ZNF277: variants seen among roughly 807,000 people sequenced by gnomAD.
The protein encoded by ZNF277 is nuclear receptor-interacting factor 4.
In ZNF277, 55 loss-of-function variants were observed where a neutral mutation model predicts 60.7. The observed-to-expected ratio is 0.91, with a 90% CI of 0.73 to 1.13. The LOEUF is 1.13. Among genes scored for constraint, ZNF277 ranks in the 50% most tolerant of loss-of-function variants. The pLI, the probability that ZNF277 is intolerant of heterozygous loss-of-function variation, is 0.00. For synonymous variants in ZNF277, 178 were observed against 179.3 expected, an observed-to-expected ratio of 0.99 and a Z score of 0.06; for missense variants, 510 against 523.0, an observed-to-expected ratio of 0.98 and a Z score of 0.24.
At chr7:112,238,594 C>T (rs1563200648) in intron 1 of ZNF277, among the ~76,000 whole-genome samples, 1 of 151,888 alleles carries the variant, frequency 6.6e-6, no homozygotes, top group Admixed American at 6.6e-5. Flanking sequence ...GAGGTGTTCG[C>T]GTCACCCCAC....
intron 1 of ZNF277, among the ~76,000 whole-genome samples, chr7:112,234,379 G>C (rs1017403753): frequency 6.6e-6 from 1 of 152,124 alleles, no homozygotes; most frequent in African/African-American, 2.4e-5. Flanking sequence ...GTCTGATGAG[G>C]GCATAGTTCA....
chr7:112,233,179 G>A (rs764633999), intron 1 of ZNF277, among the ~76,000 whole-genome samples: 2 of 152,136 alleles, frequency 1.3e-5, no homozygotes, highest in Non-Finnish European at 2.9e-5. Flanking sequence ...TTGTGATTGT[G>A]ATGCACTTTG....
chr7:112,267,705 T>A (rs987761485), intron 1 of ZNF277, among the ~76,000 whole-genome samples: 1 of 152,176 alleles, frequency 6.6e-6, no homozygotes, highest in African/African-American at 2.4e-5. Flanking sequence ...GGATATTGGC[T>A]GACTAGGAAA....
chr7:112,331,442 A>G (rs1793228123), intron 7 of ZNF277, among the ~76,000 whole-genome samples: 1 of 152,210 alleles, frequency 6.6e-6, no homozygotes, highest in African/African-American at 2.4e-5. Flanking sequence ...TAAATGAATT[A>G]AAACCCAAAC....
chr7:112,321,106 A>G (rs1792972152), intron 5 of ZNF277, among the ~76,000 whole-genome samples: 1 of 151,204 alleles, frequency 6.6e-6, no homozygotes, highest in African/African-American at 2.4e-5. Flanking sequence ...TATTTTTAGT[A>G]GAGATGGGGT....
chr7:112,286,960 G>T lies in ZNF277; in HGVS notation c.179G>T (p.Cys60Phe), dbSNP rs756550998. The T allele has an allele frequency of 6.4e-5, 103 of 1,609,968 alleles. 1 individual carries two copies. In the East Asian group the frequency reaches 2.3e-3, roughly 36 times the overall value. Reference protein sequence around the residue: ...TTLEGSPSVPCIFCEEHFPVA... With the variant: ...TTLEGSPSVPFIFCEEHFPVA... ...TTAGAAGGTTCTCCATCTGTGCCTT[G>T]TATTTTCTGTGAAGAACATTTTCCT... The change falls in exon 2 of 12, where the codon TGT (cysteine) becomes TTT (phenylalanine). Residue 60 changes from cysteine (C) to phenylalanine (F), a missense_variant. Cys to Phe is a radical substitution (Grantham distance 205). Transcript: ENST00000361822.
rs201218330 is a variant in ZNF277, at chr7:112,287,000, C to T, written c.219C>T (p.Asp73=). 1 of 1,614,086 alleles carries T rather than the reference C, an allele frequency of 6.2e-7. No individual in the cohort carries two copies. The highest frequency in any genetic ancestry group is 1.3e-5 in the African/African-American group (1 of 75,004). The change falls in exon 2 of 12, where the codon GAC becomes GAT. Residue 73 remains aspartate (D), a synonymous_variant. Coordinates refer to ENST00000361822, the MANE Select transcript of ZNF277 (RefSeq NM_021994.3). The part of the protein sequence containing the change: ...CEEHFPVAEQ[D]KLLKHMIIEH... ...AACATTTTCCTGTGGCTGAACAAGA[C>T]AAACTTCTGAAGCACATGATTATTG... is the stretch of plus-strand genomic sequence containing the variant.
At chr7:112,294,228 A>G (rs1396958144) in intron 2 of ZNF277, among the ~76,000 whole-genome samples, 2 of 152,200 alleles carry the variant, frequency 1.3e-5, no homozygotes, top group Non-Finnish European at 2.9e-5. Flanking sequence ...CTAGTGAGGA[A>G]TGGAAAGATA....
chr7:112,234,063 T>TA (rs1280883599), intron 1 of ZNF277, among the ~76,000 whole-genome samples: 1 of 152,152 alleles, frequency 6.6e-6, no homozygotes, highest in Non-Finnish European at 1.5e-5. Flanking sequence ...GCCTGCTGAT[T>TA]AAAATTTTTT....
rs187467593 is a variant in ZNF277, at chr7:112,326,741, G to C, written c.558-976G>C. ...AAAAAAACACTGAAAACATTTTTTT[G>C]GGGGGGGACCAGGTAAGTGTCTAAA... On this transcript the variant is annotated intron_variant, in intron 5 of 11. Transcript: ENST00000361822. Among the ~76,000 whole-genome samples, 33 of 150,014 alleles carry C rather than the reference G, an allele frequency of 2.2e-4. No homozygotes were observed. The East Asian group carries it at 5.8e-3, about 27-fold the overall frequency.
At chr7:112,217,891 T>C (rs1821927292) in intron 1 of ZNF277, among the ~76,000 whole-genome samples, 2 of 152,144 alleles carry the variant, frequency 1.3e-5, no homozygotes. Flanking sequence ...ATCAATAAAC[T>C]GGCTCATCCG....
rs773046745 is a variant in ZNF277 at position 112,206,809 on chromosome 7, T to G, written c.91+2T>G. 2 of 1,612,050 alleles carry G rather than the reference T, an allele frequency of 1.2e-6. No homozygotes were observed. Among genetic ancestry groups the G allele is most frequent in the South Asian group, 2.2e-5 (2 of 90,982 alleles). ...CAGTCGGGGGTGTAGGTTATGGGGG[T>G]GAGTACGGTGCCCCGGAGGCGCGGC... On this transcript the variant is annotated splice_donor_variant, in intron 1 of 11. Transcript: ENST00000361822. LOFTEE classifies it high-confidence loss of function.
At chr7:112,250,627 C>A (rs10233086) in intron 1 of ZNF277, among the ~76,000 whole-genome samples, 13,740 of 152,148 alleles carry the variant, frequency 0.09, 1,043 homozygotes, top group African/African-American at 0.2. Flanking sequence ...GCCAACGCTT[C>A]AGGAAAATAG....
At chr7:112,297,861 A>G (rs1481401319) in intron 4 of ZNF277, among the ~76,000 whole-genome samples, 2 of 152,176 alleles carry the variant, frequency 1.3e-5, no homozygotes, top group Non-Finnish European at 1.5e-5. Flanking sequence ...CTCAAACCCT[A>G]CTACTTCAGC....
chr7:112,330,548 CTTTTTTTTTT>C (rs1171213748), intron 7 of ZNF277: 7 of 108,142 alleles, frequency 6.5e-5, no homozygotes, highest in Non-Finnish European at 1.2e-4. Flanking sequence ...AGACTCCTTT[CTTTTTTTTTT>C]TTTTTTTTTT....
rs535743745 is a variant in ZNF277 at position 112,243,571 on chromosome 7, GA to G, written c.91+36774del. ...ACATACAAATGGCCAAAAAGCATAT[GA>G]AAAAAAAAATGTTCTCTAATCATCA... On this transcript the variant is annotated intron_variant, in intron 1 of 11. Transcript: ENST00000361822. Among the ~76,000 whole-genome samples the G allele has an allele frequency of 2.8e-3, 413 of 146,150 alleles. 2 individuals are homozygous for G. Among genetic ancestry groups the G allele is most frequent in the African/African-American group, 9.4e-3 (378 of 40,008 alleles).
At chr7:112,269,747 T>A (rs1175073020) in intron 1 of ZNF277, among the ~76,000 whole-genome samples, 1 of 152,132 alleles carries the variant, frequency 6.6e-6, no homozygotes, top group Non-Finnish European at 1.5e-5. Context: ...TTTTTCAATA[T>A]GTGGGATGCC....
Position 112,327,700 on chromosome 7 carries a change from C to T in ZNF277, c.558-17C>T, listed in dbSNP as rs1307354176. On this transcript the variant is annotated splice_polypyrimidine_tract_variant and intron_variant, in intron 5 of 11. Transcript: ENST00000361822. ...GATGATTTGTGAATAATCCTAATTG[C>T]TCAAATTTCTTCCTAGATCTGTTAT... 1.3e-6 allele frequency: 2 copies of T among 1,593,322 alleles called. No individual in the cohort carries two copies. The highest frequency in any genetic ancestry group is 1.7e-6 in the Non-Finnish European group (2 of 1,164,908).
At chr7:112,210,205 A>G (rs1821700380) in intron 1 of ZNF277, among the ~76,000 whole-genome samples, 1 of 152,152 alleles carries the variant, frequency 6.6e-6, no homozygotes, top group African/African-American at 2.4e-5. Flanking sequence ...TGCTTCTTTT[A>G]AGAGATTTTC....
Sources: gnomAD v4.1 joint callset for allele counts (sites outside exome capture counted in the v4.1 genomes callset) on GRCh38, gnomAD v4.1.1 for gene constraint, MANE v1.5 for transcripts, NCBI Gene and HGNC (gene_info 2026-07-23, HGNC 2026-07-21) for gene names.